ENTHD1: variants seen among roughly 807,000 people sequenced by gnomAD.
ENTHD1 encodes the protein ENTH domain containing 1, also known as ENTH domain-containing protein 1.
Under a neutral mutation model 39.1 loss-of-function variants are expected in ENTHD1, and 23 were observed. That is an observed-to-expected ratio of 0.59 (90% CI 0.42 to 0.83). The LOEUF (loss-of-function observed/expected upper bound fraction) is 0.83. ENTHD1 is among the 40% of genes least tolerant of loss of function. The pLI is 0.00. For missense variants in ENTHD1, 624 were observed against 705.4 expected (o/e 0.88, Z 1.31); for synonymous variants, 230 against 258.2 (o/e 0.89, Z 1.05).
At chr22:39,879,943 T>G (rs2066324271) in intron 2 of ENTHD1, among the ~76,000 whole-genome samples, 1 of 152,222 alleles carries the variant, frequency 6.6e-6, no homozygotes, top group Non-Finnish European at 1.5e-5. Context: ...TAAAAGGAAA[T>G]GAGGCTGGGC....
chr22:39,775,849 CA>C (rs1406408780), intron 5 of ENTHD1, among the ~76,000 whole-genome samples: 1 of 152,164 alleles, frequency 6.6e-6, no homozygotes, highest in Non-Finnish European at 1.5e-5. Flanking sequence ...CTGAAGTCCA[CA>C]AGAACTTGAG....
At chr22:39,839,726 C>T (rs967122096) in intron 3 of ENTHD1, among the ~76,000 whole-genome samples, 2 of 152,074 alleles carry the variant, frequency 1.3e-5, no homozygotes, top group African/African-American at 2.4e-5. Flanking sequence ...ATCACTTGCT[C>T]GGCATTCAGC....
At chr22:39,835,578 C>A (rs1299604426) in intron 4 of ENTHD1, among the ~76,000 whole-genome samples, 1 of 151,842 alleles carries the variant, frequency 6.6e-6, no homozygotes, top group Admixed American at 6.6e-5. Context: ...ACAAAAGACA[C>A]CAAAAGCAAA....
At chr22:39,758,281 G>T (rs1247574130) in intron 6 of ENTHD1, among the ~76,000 whole-genome samples, 1 of 152,068 alleles carries the variant, frequency 6.6e-6, no homozygotes, top group Non-Finnish European at 1.5e-5. Context: ...TAACTGCACT[G>T]CCTAAGACCT....
intron 3 of ENTHD1, among the ~76,000 whole-genome samples, chr22:39,860,736 T>C (rs1009100684): frequency 1.3e-5 from 2 of 152,264 alleles, no homozygotes; most frequent in Non-Finnish European, 1.5e-5. Context: ...GTTCTCTAAG[T>C]CACATTTCAC....
chr22:39,786,014 T>A (rs1173958905), intron 5 of ENTHD1, among the ~76,000 whole-genome samples: 1 of 152,204 alleles, frequency 6.6e-6, no homozygotes, highest in Non-Finnish European at 1.5e-5. Context: ...GCTTTTAAAC[T>A]GATCCACTTC....
intron 3 of ENTHD1, among the ~76,000 whole-genome samples, chr22:39,851,728 C>T (rs1160465803): frequency 1.3e-5 from 2 of 152,260 alleles, no homozygotes; most frequent in Admixed American, 6.5e-5. Context: ...TCAACCCCTA[C>T]AGTTACCTGC....
In ENTHD1 at chr22:39,765,248, A is replaced by G. The variant is rs539368415; in HGVS notation, c.1194T>C (p.Asp398=). 19 of 1,611,002 alleles carry G rather than the reference A, an allele frequency of 1.2e-5. No homozygotes were observed. The African/African-American group carries it at 2.1e-4, about 18-fold the overall frequency. Residue 398 remains aspartate (D), a synonymous_variant, in exon 6 of 7, where the codon GAT becomes GAC. Transcript: ENST00000325157. The stretch of plus-strand genomic sequence containing the variant: ...CCCGTGTGGTTGTCTTGAGGATTTT[A>G]TCATCCATCTGAATGCTGGATTGTG... ...KPAQSSIQMD[D]KILKTTTRVS... is the part of the protein sequence containing the mutation.
intron 6 of ENTHD1, among the ~76,000 whole-genome samples, chr22:39,754,729 A>G (rs1394123654): frequency 1.3e-5 from 2 of 151,954 alleles, no homozygotes; most frequent in African/African-American, 4.8e-5. Context: ...GCTCCTGGCT[A>G]TCTCCCTCTA....
intron 2 of ENTHD1, among the ~76,000 whole-genome samples, chr22:39,863,091 A>G (rs753677620): frequency 9.9e-5 from 15 of 152,044 alleles, no homozygotes; most frequent in Non-Finnish European, 1.2e-4. Context: ...CTGAACCTGG[A>G]CTCTCCAGCC....
chr22:39,828,244 C>G (rs1456634083), intron 4 of ENTHD1, among the ~76,000 whole-genome samples: 1 of 152,066 alleles, frequency 6.6e-6, no homozygotes, highest in Non-Finnish European at 1.5e-5. Flanking sequence ...AAGGAGCCAC[C>G]CTGCTCTGTA....
chr22:39,815,450 A>T (rs1243053465), intron 5 of ENTHD1, among the ~76,000 whole-genome samples: 1 of 152,118 alleles, frequency 6.6e-6, no homozygotes, highest in Admixed American at 6.5e-5. Context: ...TCTCAAAAAA[A>T]AAAAAACAAA....
chr22:39,837,127 C>T (rs1341088022), intron 3 of ENTHD1, among the ~76,000 whole-genome samples: 1 of 152,120 alleles, frequency 6.6e-6, no homozygotes, highest in African/African-American at 2.4e-5. Flanking sequence ...AGTACCAACT[C>T]TAAAAAGTCT....
chr22:39,828,357 G>T (rs1044807048), intron 4 of ENTHD1, among the ~76,000 whole-genome samples: 3 of 152,234 alleles, frequency 2.0e-5, no homozygotes, highest in Admixed American at 6.5e-5. Context: ...AACCTTTTAA[G>T]CATAAAACAA....
In ENTHD1 at chr22:39,743,698, C is replaced by G; in HGVS notation, c.1805G>C (p.Gly602Ala). The G allele has an allele frequency of 6.2e-7, 1 of 1,610,880 alleles. No individual in the cohort carries two copies. The highest frequency in any genetic ancestry group is 8.5e-7 in the Non-Finnish European group (1 of 1,178,548). Residue 602 changes from glycine (G) to alanine (A), a missense_variant, in exon 7 of 7, where the codon GGG (glycine) becomes GCG (alanine). By Grantham distance (60) the Gly-to-Ala change is moderately conservative (BLOSUM62 0). Coordinates refer to ENST00000325157, the MANE Select transcript of ENTHD1 (RefSeq NM_152512.4). The part of the protein sequence containing the change: ...QSSQVPQSSE[G>A]SSDQI ...TGATGATTAGATCTGATCTGAGCTCCCCTCAGAAGACTGGGGGACCTGGGA... is the reference window on the plus strand; with the variant it reads ...TGATGATTAGATCTGATCTGAGCTCGCCTCAGAAGACTGGGGGACCTGGGA...
chr22:39,855,261 T>C (rs2066075619), intron 3 of ENTHD1, among the ~76,000 whole-genome samples: 1 of 152,232 alleles, frequency 6.6e-6, no homozygotes, highest in Non-Finnish European at 1.5e-5. Context: ...TGGTTCCTAG[T>C]TGCTACTCAT....
rs1388523624 is a variant in ENTHD1 at position 39,867,629 on chromosome 22, C to T, written c.350-5622G>A. ...TAGCTTTAGTCTCCCTTCCAATCTA[C>T]CCTCCACAATGCCTTCAGGTAACGC... On this transcript the variant is annotated intron_variant, in intron 2 of 6. Transcript: ENST00000325157. The surrounding 1 kb of genome is among the most constrained non-coding windows in gnomAD (Gnocchi z 4.5). 2.0e-5 allele frequency among the ~76,000 whole-genome samples: 3 copies of T among 152,224 alleles called. No homozygotes were observed. Among genetic ancestry groups the T allele is most frequent in the African/African-American group, 2.4e-5 (1 of 41,528 alleles).
At chr22:39,847,418 C>T (rs1461441530) in intron 3 of ENTHD1, among the ~76,000 whole-genome samples, 2 of 149,264 alleles carry the variant, frequency 1.3e-5, no homozygotes, top group East Asian at 3.9e-4. Flanking sequence ...ACACCTAATG[C>T]TAAATGATGA....
At chr22:39,878,495 CAA>C (rs753987042) in intron 2 of ENTHD1, among the ~76,000 whole-genome samples, 7 of 114,346 alleles carry the variant, frequency 6.1e-5, no homozygotes, top group South Asian at 5.4e-4. Flanking sequence ...ATTTTTTTTT[CAA>C]AAAAAAAAAA....
Sources: gnomAD v4.1 joint callset for allele counts (sites outside exome capture counted in the v4.1 genomes callset) on GRCh38, gnomAD v4.1.1 for gene constraint, Gnocchi (gnomAD v3.1) non-coding constraint, MANE v1.5 for transcripts, NCBI Gene and HGNC (gene_info 2026-07-23, HGNC 2026-07-21) for gene names.